The following TENM4 variants were observed in gnomAD, a reference collection of about 807,000 sequenced individuals.
The protein encoded by TENM4 is teneurin transmembrane protein 4, also known as teneurin-4.
A neutral mutation model predicts 243.3 loss-of-function variants in TENM4; 82 were observed. That is an observed-to-expected ratio of 0.34 (90% CI 0.28 to 0.40). The LOEUF (loss-of-function observed/expected upper bound fraction) is 0.40. Among genes scored for constraint, TENM4 ranks in the 10% least tolerant of loss-of-function variants. TENM4 has a pLI of 1.00. For missense variants in TENM4, 3,138 were observed against 3,673.3 expected (o/e 0.85, Z 3.77); for synonymous variants, 1,412 against 1,456.3 (o/e 0.97, Z 0.69).
At chr11:78,896,198 C>G (rs1462645697) in intron 7 of TENM4, among the ~76,000 whole-genome samples, 1 of 152,196 alleles carries the variant, frequency 6.6e-6, no homozygotes, top group African/African-American at 2.4e-5. Flanking sequence ...AGCCACGGGA[C>G]AGCCACAATT....
chr11:78,888,825 G>A (rs1449629874), intron 9 of TENM4, among the ~76,000 whole-genome samples: 1 of 152,130 alleles, frequency 6.6e-6, no homozygotes, highest in Non-Finnish European at 1.5e-5. Context: ...GCATGGGTTC[G>A]AGGCCTTCTC....
intron 3 of TENM4, among the ~76,000 whole-genome samples, chr11:79,200,209 A>G (rs1317746892): frequency 1.3e-5 from 2 of 152,164 alleles, no homozygotes; most frequent in Non-Finnish European, 2.9e-5. Flanking sequence ...TCAAAAATAG[A>G]ACCCCAATCA....
At position 78,669,802 on chromosome 11, in the gene TENM4, C is replaced by T. The variant is rs1457319437; in HGVS notation, c.6543G>A (p.Leu2181=). The change falls in exon 32 of 34, where the codon CTG becomes CTA. Residue 2181 remains leucine (L), a synonymous_variant. Coordinates refer to ENST00000278550, the MANE Select transcript of TENM4 (RefSeq NM_001098816.3). The surrounding 1 kb of genome is among the most constrained non-coding windows in gnomAD (Gnocchi z 6.4). ...TGGTATTGGCGTAGGGTCCTACCTT[C>T]AGCTCCTTCTTCACTACTCGCCCCA... is the stretch of plus-strand genomic sequence containing the variant. ...DNMGRVVKKE[L]KVGPYANTTR... 1 of 1,613,968 alleles carries T rather than the reference C, an allele frequency of 6.2e-7. No individual in the cohort carries two copies. The highest frequency in any genetic ancestry group is 1.7e-5 in the Admixed American group (1 of 60,028).
intron 12 of TENM4, among the ~76,000 whole-genome samples, chr11:78,829,745 T>A (rs149722378): frequency 2.9e-3 from 445 of 152,202 alleles, no homozygotes; most frequent in South Asian, 0.011. Context: ...CAGCAGGGAT[T>A]ATAGTATTAG....
chr11:78,826,916 C>G (rs1050703255), intron 12 of TENM4, among the ~76,000 whole-genome samples: 1 of 152,190 alleles, frequency 6.6e-6, no homozygotes, highest in Non-Finnish European at 1.5e-5. Context: ...TCTGTAGCTT[C>G]CTGCACTAAT....
chr11:79,154,345 CAT>C (rs752415518), intron 3 of TENM4, among the ~76,000 whole-genome samples: 78 of 152,104 alleles, frequency 5.1e-4, no homozygotes, highest in Non-Finnish European at 7.9e-4. Context: ...CACATAAACT[CAT>C]AGAGTGAGAA....
At position 79,351,359 on chromosome 11, in the gene TENM4, A is replaced by G. The variant is rs74330515; in HGVS notation, c.-320-53816T>C. Among the ~76,000 whole-genome samples the G allele has an allele frequency of 6.6e-3, 1,006 of 152,230 alleles. 10 individuals carry two copies. Among genetic ancestry groups the G allele is most frequent in the African/African-American group, 0.024 (980 of 41,514 alleles). On this transcript the variant is annotated intron_variant, in intron 1 of 33. Coordinates refer to ENST00000278550, the MANE Select transcript of TENM4 (RefSeq NM_001098816.3). ...ACACAGACTTTTGTCTGATTTATTT[A>G]GTGTCTATCCCACTGCCTGGGAGAG...
intron 7 of TENM4, among the ~76,000 whole-genome samples, chr11:78,895,627 G>A (rs1855774743): frequency 1.3e-5 from 2 of 152,118 alleles, no homozygotes; most frequent in Non-Finnish European, 2.9e-5. Context: ...TCTTGATGGG[G>A]ACCCTAAGCT....
At chr11:79,362,683 A>T (rs1432584634) in intron 1 of TENM4, among the ~76,000 whole-genome samples, 2 of 152,184 alleles carry the variant, frequency 1.3e-5, no homozygotes, top group African/African-American at 2.4e-5. Flanking sequence ...AGCCAGCCAG[A>T]CCTAGGTTCA....
intron 2 of TENM4, among the ~76,000 whole-genome samples, chr11:79,293,009 T>A (rs997770839): frequency 2.0e-5 from 3 of 152,158 alleles, no homozygotes; most frequent in Admixed American, 2.0e-4. Flanking sequence ...CACAGTCCAA[T>A]GGGAAAGGAC....
chr11:78,864,928 G>A (rs907715641), intron 9 of TENM4, among the ~76,000 whole-genome samples: 2 of 152,140 alleles, frequency 1.3e-5, no homozygotes, highest in Non-Finnish European at 2.9e-5. Context: ...CCTAGAGGAG[G>A]GGGTGCCTGA....
At chr11:79,298,538 A>AG (rs1286828046) in intron 1 of TENM4, among the ~76,000 whole-genome samples, 56 of 146,880 alleles carry the variant, frequency 3.8e-4, no homozygotes, top group African/African-American at 8.3e-4. Context: ...AAAAAAAAAA[A>AG]AAAAAAAAAA....
intron 12 of TENM4, among the ~76,000 whole-genome samples, chr11:78,822,285 A>G (rs1857750752): frequency 6.6e-6 from 1 of 152,190 alleles, no homozygotes; most frequent in Non-Finnish European, 1.5e-5. Context: ...GTTAAGTGAC[A>G]CTGATCAAAT....
At chr11:79,252,512 C>T (rs1855629184) in intron 2 of TENM4, among the ~76,000 whole-genome samples, 2 of 152,218 alleles carry the variant, frequency 1.3e-5, no homozygotes, top group East Asian at 3.8e-4. Context: ...GCTGGGATTA[C>T]AGGCGTGAGC....
In TENM4 at chr11:78,656,820, G is replaced by T. The variant is rs1590915135; in HGVS notation, c.*1238C>A. 1 of 392,212 alleles carries T rather than the reference G, an allele frequency of 2.5e-6. No homozygotes were observed. Among genetic ancestry groups the T allele is most frequent in the Non-Finnish European group, 4.5e-6 (1 of 222,482 alleles). 24.3% of individuals were successfully genotyped at this position (392,212 alleles called of 1,614,324 possible). ...CAGGAATTTCCTGGAAGCCCAGCCT[G>T]CCCCAGTCCAGCTCTGCGATCAGCT... On this transcript the variant is annotated 3_prime_UTR_variant, in exon 34 of 34. Coordinates refer to ENST00000278550, the MANE Select transcript of TENM4 (RefSeq NM_001098816.3).
intron 6 of TENM4, among the ~76,000 whole-genome samples, chr11:78,982,640 A>G (rs1248684194): frequency 6.6e-6 from 1 of 151,912 alleles, no homozygotes; most frequent in East Asian, 1.9e-4. Context: ...CTTGCTGCCA[A>G]TTTTCCACCC....
chr11:78,734,228 G>A (rs115543464), intron 20 of TENM4, among the ~76,000 whole-genome samples: 2,741 of 151,636 alleles, frequency 0.018, 92 homozygotes, highest in African/African-American at 0.063. Flanking sequence ...ATAAAAAGAT[G>A]TAAGACTAGA....
intron 1 of TENM4, among the ~76,000 whole-genome samples, chr11:79,336,177 T>C (rs1008561121): frequency 2.6e-5 from 4 of 152,208 alleles, no homozygotes; most frequent in African/African-American, 9.6e-5. Context: ...CCCTCCAAGA[T>C]GGAAGAGTGT....
chr11:78,771,087 T>C lies in TENM4; in HGVS notation c.2444A>G (p.Asn815Ser). ...NGNGRCTLDLNGWHCVCQLGW... is the reference protein window; with the variant it reads ...NGNGRCTLDLSGWHCVCQLGW... The stretch of plus-strand genomic sequence containing the variant: ...CAGCTGGCAGACGCAGTGCCAACCA[T>C]TCAGGTCTAAGGTACATCTGCCGTT... Residue 815 changes from asparagine to serine, a missense_variant, in exon 18 of 34, where the codon AAT becomes AGT. Asn to Ser is a conservative substitution (Grantham distance 46). Coordinates refer to ENST00000278550, the MANE Select transcript of TENM4 (RefSeq NM_001098816.3). 1.3e-6 allele frequency: 2 copies of C among 1,575,790 alleles called. No homozygotes were observed.
Sources: gnomAD v4.1 joint callset for allele counts (sites outside exome capture counted in the v4.1 genomes callset) on GRCh38, gnomAD v4.1.1 for gene constraint, Gnocchi (gnomAD v3.1) non-coding constraint, MANE v1.5 for transcripts, NCBI Gene and HGNC (gene_info 2026-07-23, HGNC 2026-07-21) for gene names.